Variants in AK8 observed in about 807,000 individuals in gnomAD.
AK8 encodes the protein adenylate kinase 8.
In AK8, 44 loss-of-function variants were observed where a neutral mutation model predicts 54.6. The observed-to-expected ratio is 0.81, with a 90% CI of 0.63 to 1.04. The LOEUF (loss-of-function observed/expected upper bound fraction) is 1.04, where lower values mean the gene tolerates loss of function less well. Ranked by LOEUF, AK8 falls within the 50% of genes least tolerant of loss-of-function variation. The pLI, the probability that AK8 is intolerant of heterozygous loss-of-function variation, is 0.00. For missense variants in AK8, 555 were observed against 613.6 expected, an observed-to-expected ratio of 0.90 and a Z score of 1.01; for synonymous variants, 239 against 245.6, an observed-to-expected ratio of 0.97 and a Z score of 0.25.
chr9:132,738,947 C>T (rs1837242302), intron 11 of AK8, among the ~76,000 whole-genome samples: 1 of 151,384 alleles, frequency 6.6e-6, no homozygotes, highest in African/African-American at 2.4e-5. Flanking sequence ...TTTGTAGAGA[C>T]TTTTCTTATG....
intron 11 of AK8, among the ~76,000 whole-genome samples, chr9:132,771,935 C>T (rs1838995584): frequency 6.6e-6 from 1 of 152,190 alleles, no homozygotes; most frequent in African/African-American, 2.4e-5. Context: ...GAGCAAGTCA[C>T]ATCTTATATG....
In AK8 at chr9:132,823,273, A is replaced by G. The variant is rs1357571623; in HGVS notation, c.821T>C (p.Leu274Pro). The stretch of plus-strand genomic sequence containing the variant: ...ACTTTTCCCACTGCCCACAGGCCCG[A>G]GCAGCAGCACCCTCGGGGTGAACGG... ...NAPFTPRVLL[L>P]GPVGSGKSLQ... Residue 274 changes from leucine to proline, a missense_variant, in exon 9 of 13, where the codon CTC becomes CCC. By Grantham distance (98) the Leu-to-Pro change is moderately conservative. Coordinates refer to ENST00000298545, the MANE Select transcript of AK8 (RefSeq NM_152572.3). 6.2e-7 allele frequency: 1 copy of G among 1,612,794 alleles called. No homozygotes were observed. The highest frequency in any genetic ancestry group is 8.5e-7 in the Non-Finnish European group (1 of 1,179,410).
At chr9:132,736,109 T>C (rs1396528514) in intron 11 of AK8, among the ~76,000 whole-genome samples, 3 of 152,148 alleles carry the variant, frequency 2.0e-5, no homozygotes, top group Non-Finnish European at 4.4e-5. Flanking sequence ...GGGACCACCA[T>C]TGTATGTGTG....
At chr9:132,869,845 T>C (rs1005641273) in intron 2 of AK8, among the ~76,000 whole-genome samples, 11 of 147,388 alleles carry the variant, frequency 7.5e-5, no homozygotes, top group Admixed American at 6.0e-4. Flanking sequence ...GGAGGAGCCT[T>C]GGGCCACGAG....
At position 132,854,861 on chromosome 9, in the gene AK8, T is replaced by A; in HGVS notation, c.398A>T (p.Lys133Met). Residue 133 changes from lysine (K) to methionine (M), a missense_variant, in exon 5 of 13, where the codon AAG (lysine) becomes ATG (methionine). Coordinates refer to ENST00000298545, the MANE Select transcript of AK8 (RefSeq NM_152572.3). ...CCTAGCTCACTGGAGTCTTACCTGC[T>A]TGATGCAATCCTCTTCAGCCAGGCG... ...QERLAEEDCI[K>M]QGWILDGIPE... 1 of 1,614,074 alleles carries A rather than the reference T, an allele frequency of 6.2e-7. No individual in the cohort carries two copies. Among genetic ancestry groups the A allele is most frequent in the Non-Finnish European group, 8.5e-7 (1 of 1,180,014 alleles).
chr9:132,784,052 C>T (rs1312007707), intron 11 of AK8, among the ~76,000 whole-genome samples: 4 of 152,074 alleles, frequency 2.6e-5, no homozygotes, highest in African/African-American at 9.7e-5. Context: ...AGAAAATCAT[C>T]CTGAAATACT....
chr9:132,857,966 T>G (rs1843242413), intron 4 of AK8, among the ~76,000 whole-genome samples: 1 of 152,172 alleles, frequency 6.6e-6, no homozygotes, highest in East Asian at 1.9e-4. Flanking sequence ...GCCTCCCTCC[T>G]TGCAGAGCAC....
At chr9:132,831,406 C>G (rs1842095601) in intron 5 of AK8, among the ~76,000 whole-genome samples, 1 of 152,110 alleles carries the variant, frequency 6.6e-6, no homozygotes. Flanking sequence ...TAAACAATTT[C>G]TAAAGTCCTT....
intron 11 of AK8, among the ~76,000 whole-genome samples, chr9:132,740,967 G>A (rs1199748598): frequency 6.6e-6 from 1 of 152,168 alleles, no homozygotes; most frequent in Non-Finnish European, 1.5e-5. Flanking sequence ...GGGCCTGGGG[G>A]TCCTATCCCC....
intron 11 of AK8, among the ~76,000 whole-genome samples, chr9:132,731,441 A>AGCCCT (rs542939508): frequency 1.4e-4 from 22 of 152,264 alleles, no homozygotes; most frequent in East Asian, 9.7e-4. Flanking sequence ...TGGGTGGGGA[A>AGCCCT]GCCCTGCCCT....
intron 11 of AK8, among the ~76,000 whole-genome samples, chr9:132,788,663 A>G (rs1480787001): frequency 6.6e-6 from 1 of 152,220 alleles, no homozygotes; most frequent in Non-Finnish European, 1.5e-5. Context: ...GAAGAGACCA[A>G]TTGCACAAGA....
chr9:132,752,531 G>T (rs575573912), intron 11 of AK8, among the ~76,000 whole-genome samples: 1 of 152,208 alleles, frequency 6.6e-6, no homozygotes, highest in African/African-American at 2.4e-5. Context: ...TTACAGGCGT[G>T]AGCCACTGCA....
At chr9:132,726,047 A>G in intron 12 of AK8, 122 bp from the exon 13 acceptor site, 3 of 783,686 alleles carry the variant, frequency 3.8e-6, no homozygotes, top group Non-Finnish European at 4.3e-6. Context: ...ATCACCAGCC[A>G]TTTACTACTG....
rs113073538 is a variant in AK8 at position 132,751,257 on chromosome 9, G to A, written c.1122-23723C>T. ...AAATTAGCCGGGCGTGGTGGTGCAC[G>A]CCTGTAATCCCAGCTACTCAGGAGG... is the stretch of plus-strand genomic sequence containing the variant. On this transcript the variant is annotated intron_variant, in intron 11 of 12. Coordinates refer to ENST00000298545, the MANE Select transcript of AK8 (RefSeq NM_152572.3). 5.7e-3 allele frequency among the ~76,000 whole-genome samples: 867 copies of A among 151,270 alleles called. 10 individuals are homozygous for A. Among genetic ancestry groups the A allele is most frequent in the African/African-American group, 0.019 (788 of 41,324 alleles).
At chr9:132,762,930 C>T (rs1251946511) in intron 11 of AK8, among the ~76,000 whole-genome samples, 2 of 152,164 alleles carry the variant, frequency 1.3e-5, no homozygotes, top group African/African-American at 2.4e-5. Flanking sequence ...ACTCCACTGC[C>T]CATCCTCCAG....
Position 132,853,470 on chromosome 9 carries a change from CTG to C in AK8, c.402+1385_402+1386del, listed in dbSNP as rs1337414807. Among the ~76,000 whole-genome samples the C allele has an allele frequency of 2.6e-5, 4 of 151,814 alleles. No individual in the cohort carries two copies. The East Asian group carries it at 5.8e-4, about 22-fold the overall frequency. ...ATTATTTATAAAAGAATTTGAATGA[CTG>C]TGGATTTTTCATAGAAACCACAGTG... On this transcript the variant is annotated intron_variant, in intron 5 of 12. Transcript: ENST00000298545.
intron 5 of AK8, among the ~76,000 whole-genome samples, chr9:132,850,315 G>A (rs1842923215): frequency 7.0e-6 from 1 of 143,010 alleles, no homozygotes; most frequent in African/African-American, 2.6e-5. Context: ...CATCAGAGCT[G>A]AGTCGTTGCG....
At chr9:132,754,373 G>A (rs763331815) in intron 11 of AK8, among the ~76,000 whole-genome samples, 17 of 152,172 alleles carry the variant, frequency 1.1e-4, no homozygotes, top group Non-Finnish European at 2.2e-4. Context: ...GTGAGCCCGA[G>A]GTGATATCCA....
At chr9:132,740,869 G>A (rs1298781277) in intron 11 of AK8, among the ~76,000 whole-genome samples, 1 of 152,206 alleles carries the variant, frequency 6.6e-6, no homozygotes, top group Non-Finnish European at 1.5e-5. Flanking sequence ...CTGATGGATG[G>A]GGATGCAGAA....
Sources: allele counts gnomAD v4.1 joint callset (sites outside exome capture counted in the v4.1 genomes callset), GRCh38; gene constraint gnomAD v4.1.1; transcripts MANE v1.5; gene names NCBI Gene and HGNC (gene_info 2026-07-23, HGNC 2026-07-21).